Variants in METTL22 observed in about 807,000 individuals in gnomAD.
METTL22 encodes the protein methyltransferase 22, Kin17 lysine.
A neutral mutation model predicts 48.4 loss-of-function variants in METTL22; 51 were observed. The ratio of observed to expected loss-of-function variants is 1.05; its 90% CI spans 0.84 to 1.33. METTL22 has a LOEUF of 1.33. Among genes scored for constraint, METTL22 ranks in the 40% most tolerant of loss-of-function variants. The pLI, the probability that METTL22 is intolerant of heterozygous loss-of-function variation, is 0.00. For synonymous variants in METTL22, 255 were observed against 214.1 expected, an observed-to-expected ratio of 1.19 and a Z score of -1.67; for missense variants, 678 against 526.9, an observed-to-expected ratio of 1.29 and a Z score of -2.81.
At position 8,625,510 on chromosome 16, in the gene METTL22, C is replaced by A; in HGVS notation, c.-156C>A. 1 of 531,192 alleles carries A rather than the reference C, an allele frequency of 1.9e-6. No homozygotes were observed. The highest frequency in any genetic ancestry group is 3.1e-5 in the East Asian group (1 of 32,292). 32.9% of individuals were successfully genotyped at this position (531,192 alleles called of 1,614,324 possible). ...TTAATTTCCAGCTGGATTCTCTTCC[C>A]TGGCCAAGTCTCTGAGATCTTCTCC... is the stretch of plus-strand genomic sequence containing the variant. On this transcript the variant is annotated 5_prime_UTR_variant, in exon 2 of 11. The change creates a new upstream start codon in the 5' untranslated region. Transcript: ENST00000381920.
chr16:8,665,951 C>T, the METTL22 span, among the ~76,000 whole-genome samples: 1 of 152,222 alleles, frequency 6.6e-6, no homozygotes. Flanking sequence ...AATGCTATTA[C>T]AGAAGTGAGC....
chr16:8,639,788 GCCT>G (rs1352567049), intron 6 of METTL22: 1 of 152,692 alleles, frequency 6.5e-6, no homozygotes, highest in Non-Finnish European at 1.5e-5. Flanking sequence ...ATGTCCTAAC[GCCT>G]CCTCCGAGCA....
intron 2 of METTL22, among the ~76,000 whole-genome samples, chr16:8,626,282 C>T (rs1480674006): frequency 6.6e-6 from 1 of 152,112 alleles, no homozygotes; most frequent in African/African-American, 2.4e-5. Flanking sequence ...CTGCTGTCCC[C>T]CCACTTTCAT....
chr16:8,645,462 C>T (rs1470457641), intron 10 of METTL22, among the ~76,000 whole-genome samples: 1 of 152,098 alleles, frequency 6.6e-6, no homozygotes, highest in African/African-American at 2.4e-5. Context: ...AGTCAGCAGC[C>T]CCAATACATG....
intron 3 of METTL22, among the ~76,000 whole-genome samples, chr16:8,629,931 G>A (rs1223264214): frequency 6.6e-6 from 1 of 152,150 alleles, no homozygotes; most frequent in African/African-American, 2.4e-5. Flanking sequence ...GGATGAGGAA[G>A]TGAAAGGCCT....
At chr16:8,630,254 T>C (rs369318527) in intron 3 of METTL22, among the ~76,000 whole-genome samples, 3 of 152,214 alleles carry the variant, frequency 2.0e-5, no homozygotes, top group African/African-American at 7.2e-5. Context: ...TGTTCTAGAC[T>C]GTCCCAGAGA....
At chr16:8,634,900 T>C in intron 3 of METTL22, 139 bp from the exon 4 acceptor site, 1 of 1,065,344 alleles carries the variant, frequency 9.4e-7, no homozygotes, top group South Asian at 1.4e-5. Flanking sequence ...CCTGTGTTTC[T>C]GCTGCTCTCT....
chr16:8,656,287 A>G, the METTL22 span, among the ~76,000 whole-genome samples: 4 of 152,142 alleles, frequency 2.6e-5, no homozygotes, highest in Non-Finnish European at 5.9e-5. Context: ...AGTTTATCCT[A>G]TTGACATGTA....
chr16:8,647,848 CAT>C lies in METTL22; in HGVS notation c.*1706_*1707del, dbSNP rs1388412468. ...AGGCAGAAGTGATCCCTATTTTGCACATGAGAAATCCAAAATTCAGAGAGGTT... is the reference window on the plus strand; with the variant it reads ...AGGCAGAAGTGATCCCTATTTTGCACGAGAAATCCAAAATTCAGAGAGGTT... On this transcript the variant is annotated 3_prime_UTR_variant, in exon 11 of 11. Transcript: ENST00000381920. 1 of 152,238 alleles carries C rather than the reference CAT, an allele frequency of 6.6e-6. No individual in the cohort carries two copies. The highest frequency in any genetic ancestry group is 1.9e-4 in the East Asian group (1 of 5,202). 9.4% of individuals were successfully genotyped at this position (152,238 alleles called of 1,614,324 possible).
At position 8,641,139 on chromosome 16, in the gene METTL22, G is replaced by C. The variant is rs540225699; in HGVS notation, c.781G>C (p.Val261Leu). The C allele has an allele frequency of 2.5e-6, 4 of 1,613,984 alleles. No homozygotes were observed. In the African/African-American group the frequency reaches 4.0e-5, roughly 16 times the overall value. Residue 261 changes from valine to leucine, a missense_variant, in exon 7 of 11, where the codon GTT becomes CTT. Physicochemically the swap from Val to Leu is conservative, Grantham distance 32 (BLOSUM62 1). Coordinates refer to ENST00000381920, the MANE Select transcript of METTL22 (RefSeq NM_024109.4). The stretch of plus-strand genomic sequence containing the variant: ...TTTGTTTGTTTTTACAGGTGGTATA[G>C]TTAGGGTCAAAGAACTGGACTGGCT... ...SHLAATGGGI[V>L]RVKELDWLKD...
In METTL22 at chr16:8,642,649, A is replaced by G. The variant is rs539523836; in HGVS notation, c.1010+84A>G. ...TCCTAATTGTGTCCTTGTCAGTGTC[A>G]TTATGATTGTTACTCAGTGCCACTT... On this transcript the variant is annotated intron_variant, in intron 9 of 10. Transcript: ENST00000381920. 4.8e-6 allele frequency: 6 copies of G among 1,261,982 alleles called. No individual in the cohort carries two copies. The South Asian group carries it at 7.1e-5, about 15-fold the overall frequency. 78.2% of individuals were successfully genotyped at this position (1,261,982 alleles called of 1,614,324 possible). A position where few individuals can be genotyped will look rare whatever the true frequency, so the allele number is the denominator to read the frequency against.
chr16:8,657,951 G>C, the METTL22 span, among the ~76,000 whole-genome samples: 577 of 152,106 alleles, frequency 3.8e-3, 2 homozygotes, highest in African/African-American at 0.013. Flanking sequence ...TGAGTAGCTG[G>C]GATACAGGCG....
At chr16:8,665,767 G>T in the METTL22 span, among the ~76,000 whole-genome samples, 1 of 152,160 alleles carries the variant, frequency 6.6e-6, no homozygotes, top group Non-Finnish European at 1.5e-5. Context: ...TCTCCCCAAG[G>T]AGCTTCCTGG....
intron 6 of METTL22, among the ~76,000 whole-genome samples, chr16:8,639,887 C>G (rs969363601): frequency 1.1e-4 from 17 of 152,184 alleles, no homozygotes; most frequent in Admixed American, 3.3e-4. Context: ...CTGCAGCGCC[C>G]CCCACCACCA....
chr16:8,642,020 C>A, intron 7 of METTL22, 107 bp from the exon 8 acceptor site: 3 of 859,036 alleles, frequency 3.5e-6, no homozygotes, highest in South Asian at 1.4e-5. Flanking sequence ...ACCGAGCTAC[C>A]CCCAGCCCTG....
intron 5 of METTL22, among the ~76,000 whole-genome samples, chr16:8,638,129 A>G (rs2056478047): frequency 6.6e-6 from 1 of 152,178 alleles, no homozygotes; most frequent in Non-Finnish European, 1.5e-5. Flanking sequence ...TTGGTCAACA[A>G]GTGCGAAACT....
chr16:8,635,420 G>A (rs1317409409), intron 5 of METTL22, 108 bp downstream of exon 5: 34 of 1,350,964 alleles, frequency 2.5e-5, no homozygotes, highest in South Asian at 8.0e-5. Context: ...GTTAGCTGTT[G>A]TTGATTTTGC....
intron 2 of METTL22, among the ~76,000 whole-genome samples, chr16:8,626,373 G>T (rs1006139648): frequency 2.6e-5 from 4 of 151,864 alleles, no homozygotes; most frequent in African/African-American, 9.7e-5. Flanking sequence ...ATACGAATGA[G>T]CCAAACTTTG....
chr16:8,628,737 G>A lies in METTL22; in HGVS notation c.141G>A (p.Leu47=). 6.2e-7 allele frequency: 1 copy of A among 1,604,810 alleles called. No homozygotes were observed. Among genetic ancestry groups the A allele is most frequent in the Non-Finnish European group, 8.5e-7 (1 of 1,174,526 alleles). ...TTCTGTCTTGCCTTTCAGTTTTCCT[G>A]TCCCAATTCAAGCTTCTATGGAGCC... ...RLNSVGQPVF[L]SQFKLLWSQD... is the part of the protein sequence containing the mutation. The change falls in exon 3 of 11, where the codon CTG becomes CTA. Residue 47 remains leucine, a synonymous_variant. Coordinates refer to ENST00000381920, the MANE Select transcript of METTL22 (RefSeq NM_024109.4).
Sources: allele counts gnomAD v4.1 joint callset (sites outside exome capture counted in the v4.1 genomes callset), GRCh38; gene constraint gnomAD v4.1.1; transcripts MANE v1.5; gene names NCBI Gene and HGNC (gene_info 2026-07-23, HGNC 2026-07-21).